Variants in CNTNAP2 observed in about 807,000 individuals in gnomAD.
The protein encoded by CNTNAP2 is contactin associated protein 2.
Under a neutral mutation model 155.2 loss-of-function variants are expected in CNTNAP2, and 98 were observed. That is an observed-to-expected ratio of 0.63 (90% CI 0.54 to 0.75). CNTNAP2 has a LOEUF of 0.75. CNTNAP2 is among the 30% of genes least tolerant of loss of function. The pLI is 0.00. For missense variants in CNTNAP2, 1,727 were observed against 1,688.1 expected (o/e 1.02, Z -0.40); for synonymous variants, 651 against 631.2 (o/e 1.03, Z -0.47).
intron 13 of CNTNAP2, among the ~76,000 whole-genome samples, chr7:147,707,940 C>G (rs1796341044): frequency 6.6e-6 from 1 of 152,062 alleles, no homozygotes; most frequent in Admixed American, 6.5e-5. Context: ...TGGTGGTCAA[C>G]TTGGGTAGGT....
chr7:146,719,912 T>C (rs1801255563), intron 1 of CNTNAP2, among the ~76,000 whole-genome samples: 1 of 152,282 alleles, frequency 6.6e-6, no homozygotes, highest in African/African-American at 2.4e-5. Context: ...GAGTGCTGGC[T>C]TACATTGCAG....
chr7:148,026,154 T>C (rs1285199632), intron 15 of CNTNAP2, among the ~76,000 whole-genome samples: 1 of 152,154 alleles, frequency 6.6e-6, no homozygotes. Flanking sequence ...AAAAGTGTAC[T>C]TTAAAAAATA....
intron 21 of CNTNAP2, among the ~76,000 whole-genome samples, chr7:148,271,987 A>G (rs544408268): frequency 1.2e-3 from 186 of 152,308 alleles, no homozygotes; most frequent in Non-Finnish European, 2.4e-3. Context: ...TAAAAGAAAG[A>G]GAAGAAGATG....
chr7:148,061,986 GAT>G (rs1803158580), intron 15 of CNTNAP2, among the ~76,000 whole-genome samples: 3 of 135,214 alleles, frequency 2.2e-5, no homozygotes, highest in African/African-American at 6.1e-5. Flanking sequence ...TAGATAGATA[GAT>G]AGATAGATAG....
chr7:147,667,133 C>G (rs1795708418), intron 13 of CNTNAP2, among the ~76,000 whole-genome samples: 1 of 152,134 alleles, frequency 6.6e-6, no homozygotes, highest in African/African-American at 2.4e-5. Flanking sequence ...TTAAATGATT[C>G]AAGAACTGTT....
chr7:146,553,042 A>C (rs1189336430), intron 1 of CNTNAP2, among the ~76,000 whole-genome samples: 1 of 152,096 alleles, frequency 6.6e-6, no homozygotes, highest in Non-Finnish European at 1.5e-5. Context: ...TTTTGATAAT[A>C]ATTGTGAATA....
In CNTNAP2 at chr7:147,132,292, T is replaced by TTTCAACGC. The variant is rs1801390995; in HGVS notation, c.1133_1140dup (p.Thr381SerfsTer65). The stretch of plus-strand genomic sequence containing the variant: ...TGGAACCCTATACGGTGCCTGTCTT[T>TTTCAACGC]TTCAACGCTACAAGTTACCTGGAGG... On this transcript the variant is annotated frameshift_variant, in exon 8 of 24. Transcript: ENST00000361727. LOFTEE classifies it high-confidence loss of function. 1 of 1,613,690 alleles carries TTTCAACGC rather than the reference T, an allele frequency of 6.2e-7. No individual in the cohort carries two copies. Among genetic ancestry groups the TTTCAACGC allele is most frequent in the Non-Finnish European group, 8.5e-7 (1 of 1,179,820 alleles).
At chr7:146,697,888 C>A (rs1800808898) in intron 1 of CNTNAP2, among the ~76,000 whole-genome samples, 2 of 152,082 alleles carry the variant, frequency 1.3e-5, no homozygotes, top group Admixed American at 1.3e-4. Context: ...TACATACTTT[C>A]CTGCCTTCTT....
rs115072487 is a variant in CNTNAP2 at position 147,009,811 on chromosome 7, C to T, written c.403-34096C>T. ...AGCTTAAATTTTGGAGTGTGACTGTCACAATGTTTCAACAAAATCAGTCAG... is the reference window on the plus strand; with the variant it reads ...AGCTTAAATTTTGGAGTGTGACTGTTACAATGTTTCAACAAAATCAGTCAG... On this transcript the variant is annotated intron_variant, in intron 3 of 23. Transcript: ENST00000361727. Among the ~76,000 whole-genome samples, 316 of 152,124 alleles carry T rather than the reference C, an allele frequency of 2.1e-3. 1 individual carries two copies. The highest frequency in any genetic ancestry group is 6.4e-3 in the African/African-American group (267 of 41,494).
intron 13 of CNTNAP2, among the ~76,000 whole-genome samples, chr7:147,762,151 T>A (rs1410987046): frequency 8.7e-6 from 1 of 114,936 alleles, no homozygotes; most frequent in African/African-American, 4.4e-5. Context: ...TCTCTCTCTC[T>A]GTCTCACACA....
intron 17 of CNTNAP2, among the ~76,000 whole-genome samples, chr7:148,150,102 CAAAAAAAAAAAAAAAA>C (rs71188948): frequency 1.2e-5 from 1 of 84,546 alleles, no homozygotes; most frequent in Non-Finnish European, 2.5e-5. Flanking sequence ...GGGGTTGTTA[CAAAAAAAAAAAAAAAA>C]AAAAAAAAAA....
intron 1 of CNTNAP2, among the ~76,000 whole-genome samples, chr7:146,615,736 T>C (rs1189651559): frequency 6.6e-6 from 1 of 152,224 alleles, no homozygotes; most frequent in African/African-American, 2.4e-5. Context: ...TGTGGATCAA[T>C]ATCCTAGTTC....
intron 4 of CNTNAP2, among the ~76,000 whole-genome samples, chr7:147,071,239 A>G (rs568183386): frequency 6.6e-6 from 1 of 152,162 alleles, no homozygotes; most frequent in South Asian, 2.1e-4. Flanking sequence ...AATGTTTTAA[A>G]ATAGTGACTT....
At chr7:148,035,855 G>A (rs946971878) in intron 15 of CNTNAP2, among the ~76,000 whole-genome samples, 1 of 152,188 alleles carries the variant, frequency 6.6e-6, no homozygotes, top group African/African-American at 2.4e-5. Flanking sequence ...TACGGGTGAG[G>A]CTGCCTGAGA....
intron 11 of CNTNAP2, among the ~76,000 whole-genome samples, chr7:147,532,543 C>G (rs1033795775): frequency 2.6e-5 from 4 of 152,212 alleles, no homozygotes; most frequent in African/African-American, 9.6e-5. Flanking sequence ...TCCAAAGTTG[C>G]TTCACACATT....
chr7:148,266,887 C>T (rs1181654779), intron 20 of CNTNAP2, 146 bp from the exon 21 acceptor site: 7 of 757,208 alleles, frequency 9.2e-6, no homozygotes, highest in South Asian at 1.5e-5. Flanking sequence ...TCCATTTTCT[C>T]GGGGTGGTGT....
chr7:146,941,798 A>T (rs554835991), intron 3 of CNTNAP2, among the ~76,000 whole-genome samples: 1 of 151,524 alleles, frequency 6.6e-6, no homozygotes, highest in Non-Finnish European at 1.5e-5. Context: ...TTTCTTCAGC[A>T]TGTTGGATAT....
chr7:147,071,965 C>A (rs898432532), intron 4 of CNTNAP2, among the ~76,000 whole-genome samples: 3 of 152,048 alleles, frequency 2.0e-5, no homozygotes, highest in African/African-American at 7.2e-5. Flanking sequence ...CAGTCTCTGC[C>A]TTTGTGGGGA....
intron 1 of CNTNAP2, among the ~76,000 whole-genome samples, chr7:146,244,457 G>T (rs1017847752): frequency 6.6e-6 from 1 of 152,148 alleles, no homozygotes; most frequent in Non-Finnish European, 1.5e-5. Context: ...AAAAAGGAGC[G>T]TCTATACAGG....
Sources: allele counts gnomAD v4.1 joint callset (sites outside exome capture counted in the v4.1 genomes callset), GRCh38; gene constraint gnomAD v4.1.1; transcripts MANE v1.5; gene names NCBI Gene and HGNC (gene_info 2026-07-23, HGNC 2026-07-21).